CACNB2: variants seen among roughly 807,000 people sequenced by gnomAD.
CACNB2 encodes voltage-dependent L-type calcium channel subunit beta-2.
In CACNB2, 42 loss-of-function variants were observed where a neutral mutation model predicts 73.3. The observed-to-expected ratio is 0.57, with a 90% CI of 0.45 to 0.74. The LOEUF (loss-of-function observed/expected upper bound fraction) is 0.74, where lower values mean the gene tolerates loss of function less well. Ranked by LOEUF, CACNB2 falls within the 30% of genes least tolerant of loss-of-function variation. The probability of loss-of-function intolerance (pLI) is 0.00; values close to 1 mark genes in which losing one functional copy is unlikely to be tolerated. For synonymous variants in CACNB2, 348 were observed against 310.3 expected (o/e 1.12, Z -1.28); for missense variants, 940 against 853.0 (o/e 1.10, Z -1.27).
chr10:18,260,371 G>A, intron 2 of CACNB2: 2 of 907,538 alleles, frequency 2.2e-6, no homozygotes, highest in Non-Finnish European at 2.6e-6. Flanking sequence ...AATTAATGAG[G>A]TCTGAGTCGG....
intron 3 of CACNB2, among the ~76,000 whole-genome samples, chr10:18,448,497 AAAAAGAAAAGAAAAGAAAG>A: frequency 7.1e-6 from 1 of 141,570 alleles, no homozygotes. Context: ...AAAAAAAAAA[AAAAAGAAAAGAAAAGAAAG>A]AAAGGAAAGA....
At chr10:18,280,093 A>G (rs887868257) in intron 2 of CACNB2, among the ~76,000 whole-genome samples, 19 of 152,270 alleles carry the variant, frequency 1.2e-4, no homozygotes, top group African/African-American at 4.6e-4. Context: ...AAGTAAATAA[A>G]TACAAATTAT....
At chr10:18,300,311 C>A (rs551432336) in intron 2 of CACNB2, among the ~76,000 whole-genome samples, 1 of 152,272 alleles carries the variant, frequency 6.6e-6, no homozygotes, top group South Asian at 2.1e-4. Flanking sequence ...CGTGAGCCAC[C>A]ACGCCCAGCG....
intron 3 of CACNB2, among the ~76,000 whole-genome samples, chr10:18,483,326 G>A (rs1156834680): frequency 1.3e-5 from 2 of 151,658 alleles, no homozygotes; most frequent in African/African-American, 4.8e-5. Flanking sequence ...AGGTCAGGAG[G>A]TAGAGACCAG....
At chr10:18,360,583 A>C (rs1233239712) in intron 2 of CACNB2, among the ~76,000 whole-genome samples, 1 of 152,196 alleles carries the variant, frequency 6.6e-6, no homozygotes, top group Non-Finnish European at 1.5e-5. Context: ...TATCACTCAC[A>C]AGAGTCCTGT....
intron 3 of CACNB2, among the ~76,000 whole-genome samples, chr10:18,442,800 G>A (rs142909347): frequency 0.02 from 2,941 of 149,034 alleles, 91 homozygotes; most frequent in African/African-American, 0.067. Context: ...ACTCCAGCCT[G>A]GTGACAGAGC....
At chr10:18,220,889 T>C (rs1181418287) in intron 2 of CACNB2, among the ~76,000 whole-genome samples, 7 of 152,222 alleles carry the variant, frequency 4.6e-5, no homozygotes, top group African/African-American at 1.7e-4. Flanking sequence ...GGGAAACTTA[T>C]CTTCCATGAA....
intron 2 of CACNB2, among the ~76,000 whole-genome samples, chr10:18,152,726 A>AAAAAAAC (rs1173594143): frequency 6.7e-5 from 8 of 119,104 alleles, no homozygotes; most frequent in Admixed American, 3.2e-4. Context: ...AAAAAAAAAA[A>AAAAAAAC]AAAAAACAAA....
chr10:18,214,444 G>A (rs553961861), intron 2 of CACNB2, among the ~76,000 whole-genome samples: 1 of 72,866 alleles, frequency 1.4e-5, no homozygotes, highest in South Asian at 5.2e-4. Flanking sequence ...TGGCCAACAT[G>A]GTGGAACCCC....
At chr10:18,261,078 A>C in intron 2 of CACNB2, 1 of 1,415,026 alleles carries the variant, frequency 7.1e-7, no homozygotes, top group Non-Finnish European at 9.3e-7. Context: ...ACAGGGGAGA[A>C]CAAAGTTTTG....
At chr10:18,434,981 A>G (rs1316486866) in intron 3 of CACNB2, among the ~76,000 whole-genome samples, 1 of 152,182 alleles carries the variant, frequency 6.6e-6, no homozygotes, top group East Asian at 1.9e-4. Context: ...AAGGGTCTCT[A>G]GAGCTTCTAG....
intron 2 of CACNB2, among the ~76,000 whole-genome samples, chr10:18,211,327 T>A (rs1292087036): frequency 6.6e-6 from 1 of 152,200 alleles, no homozygotes; most frequent in African/African-American, 2.4e-5. Context: ...AAATGCATAA[T>A]TCCCCATTCT....
At chr10:18,532,656 G>C (rs1356040537) in intron 10 of CACNB2, among the ~76,000 whole-genome samples, 1 of 119,864 alleles carries the variant, frequency 8.3e-6, no homozygotes, top group East Asian at 2.3e-4. Flanking sequence ...CAGCCTGGGA[G>C]ACAGAGAGAG....
intron 1 of CACNB2, among the ~76,000 whole-genome samples, chr10:18,144,295 G>T (rs112505706): frequency 0.01 from 1,555 of 152,250 alleles, 32 homozygotes; most frequent in African/African-American, 0.035. Context: ...GGCTAGGCTT[G>T]TATCAAACTC....
At chr10:18,275,449 G>A (rs2038241006) in intron 2 of CACNB2, among the ~76,000 whole-genome samples, 1 of 152,160 alleles carries the variant, frequency 6.6e-6, no homozygotes, top group Non-Finnish European at 1.5e-5. Context: ...GGAAGAGTAT[G>A]CACAGAATAT....
At chr10:18,233,874 G>A (rs534282910) in intron 2 of CACNB2, among the ~76,000 whole-genome samples, 13 of 152,318 alleles carry the variant, frequency 8.5e-5, no homozygotes, top group South Asian at 8.3e-4. Context: ...TGTCTGAGCC[G>A]TGTAGAGAAA....
intron 2 of CACNB2, among the ~76,000 whole-genome samples, chr10:18,162,345 A>C (rs2032527516): frequency 6.6e-6 from 1 of 152,230 alleles, no homozygotes. Flanking sequence ...CCACATGGTA[A>C]GCCAGAATGC....
chr10:18,457,716 C>T (rs182419173), intron 3 of CACNB2, among the ~76,000 whole-genome samples: 7 of 152,112 alleles, frequency 4.6e-5, no homozygotes, highest in Non-Finnish European at 1.0e-4. Context: ...CATGGAGAAA[C>T]CCCGTCTCTA....
At chr10:18,183,935 T>A (rs1449451475) in intron 2 of CACNB2, among the ~76,000 whole-genome samples, 1 of 152,208 alleles carries the variant, frequency 6.6e-6, no homozygotes, top group Non-Finnish European at 1.5e-5. Context: ...TGAATTGTTC[T>A]AGAGCTCCGT....
Sources: allele counts gnomAD v4.1 joint callset (sites outside exome capture counted in the v4.1 genomes callset), GRCh38; gene constraint gnomAD v4.1.1; transcripts MANE v1.5; gene names NCBI Gene and HGNC (gene_info 2026-07-23, HGNC 2026-07-21).